CDC123: variants seen among roughly 807,000 people sequenced by gnomAD.
The protein encoded by CDC123 is cell division cycle 123, also known as translation initiation factor eIF2 assembly protein.
A neutral mutation model predicts 54.4 loss-of-function variants in CDC123; 37 were observed. That is an observed-to-expected ratio of 0.68 (90% CI 0.52 to 0.89). The LOEUF (loss-of-function observed/expected upper bound fraction) is 0.89, where lower values mean the gene tolerates loss of function less well. Ranked by LOEUF, CDC123 falls within the 40% of genes least tolerant of loss-of-function variation. The pLI, the probability that CDC123 is intolerant of heterozygous loss-of-function variation, is 0.00. For missense variants in CDC123, 361 were observed against 412.1 expected (o/e 0.88, Z 1.07); for synonymous variants, 144 against 136.8 (o/e 1.05, Z -0.37).
chr10:12,213,615 A>G (rs1029384113), intron 4 of CDC123, among the ~76,000 whole-genome samples: 11 of 152,062 alleles, frequency 7.2e-5, no homozygotes, highest in African/African-American at 2.2e-4. Flanking sequence ...CAAATTTTGA[A>G]TAAGATCTGT....
chr10:12,222,810 A>G lies in CDC123; in HGVS notation c.440+5343A>G, dbSNP rs368922588. On this transcript the variant is annotated intron_variant, in intron 6 of 12. Transcript: ENST00000281141. ...ACTCTGTCACCCAGGCTGAAATGCA[A>G]TGATGCGATCTTGGCTCACTGCACC... 3.5e-3 allele frequency among the ~76,000 whole-genome samples: 538 copies of G among 152,172 alleles called. 4 individuals carry two copies. The South Asian group carries it at 0.036, about 10-fold the overall frequency.
intron 10 of CDC123, chr10:12,245,258 CTT>C (rs34198401): frequency 2.0e-5 from 3 of 150,472 alleles, no homozygotes; most frequent in African/African-American, 4.9e-5. Flanking sequence ...ATCTTTTTTT[CTT>C]TTTTTTTTGG....
intron 2 of CDC123, among the ~76,000 whole-genome samples, chr10:12,207,096 A>G (rs1835533275): frequency 6.6e-6 from 1 of 152,026 alleles, no homozygotes; most frequent in Non-Finnish European, 1.5e-5. Context: ...GTTTCAGGAT[A>G]TTAAAAAAGA....
chr10:12,199,242 G>A lies in CDC123; in HGVS notation c.146+466G>A, dbSNP rs543245505. 1.2e-4 allele frequency among the ~76,000 whole-genome samples: 19 copies of A among 152,288 alleles called. No individual in the cohort carries two copies. The East Asian group carries it at 3.1e-3, about 25-fold the overall frequency. ...AGTTTCCCTATTTATAGAATAAAGG[G>A]AAGAAGTTACTGTGTTTCAGTCTTT... On this transcript the variant is annotated intron_variant, in intron 2 of 12. Coordinates refer to ENST00000281141, the MANE Select transcript of CDC123 (RefSeq NM_006023.3).
chr10:12,197,748 G>C (rs1251591587), intron 1 of CDC123, among the ~76,000 whole-genome samples: 1 of 151,646 alleles, frequency 6.6e-6, no homozygotes, highest in Non-Finnish European at 1.5e-5. Context: ...CGAAGTTTTT[G>C]CTCTGTCGCC....
intron 12 of CDC123, chr10:12,249,942 T>C: frequency 1.8e-6 from 1 of 546,306 alleles, no homozygotes; most frequent in Non-Finnish European, 3.0e-6. Context: ...TGTACATGCC[T>C]TTTGAACATT....
At chr10:12,225,350 G>A (rs1199176637) in intron 6 of CDC123, among the ~76,000 whole-genome samples, 1 of 152,134 alleles carries the variant, frequency 6.6e-6, no homozygotes, top group Non-Finnish European at 1.5e-5. Flanking sequence ...AGCCAAGATC[G>A]TGCCACTGCG....
intron 2 of CDC123, among the ~76,000 whole-genome samples, chr10:12,202,664 C>G (rs1038233833): frequency 6.6e-6 from 1 of 152,214 alleles, no homozygotes; most frequent in African/African-American, 2.4e-5. Context: ...GATTCATTTG[C>G]TAGAGCAGCT....
intron 6 of CDC123, among the ~76,000 whole-genome samples, chr10:12,228,409 G>GT (rs34629160): frequency 0.021 from 2,933 of 137,844 alleles, 98 homozygotes; most frequent in African/African-American, 0.07. Flanking sequence ...GTTGTTTTTA[G>GT]TTTTTTTTTT....
At chr10:12,224,580 G>A (rs530492467) in intron 6 of CDC123, among the ~76,000 whole-genome samples, 1 of 152,216 alleles carries the variant, frequency 6.6e-6, no homozygotes, top group South Asian at 2.1e-4. Flanking sequence ...TTGCTAGAGG[G>A]ACTATAATTA....
intron 11 of CDC123, chr10:12,247,056 C>A (rs1222312054): frequency 7.3e-6 from 1 of 136,458 alleles, no homozygotes; most frequent in African/African-American, 2.7e-5. Flanking sequence ...ACTCCGGACA[C>A]TGTGTCCTCC....
At chr10:12,226,326 C>A (rs897692343) in intron 6 of CDC123, among the ~76,000 whole-genome samples, 1 of 146,468 alleles carries the variant, frequency 6.8e-6, no homozygotes, top group Non-Finnish European at 1.5e-5. Flanking sequence ...CCACCTCCCT[C>A]CTGGACGGGG....
chr10:12,202,286 G>A (rs549414392), intron 2 of CDC123, among the ~76,000 whole-genome samples: 6 of 152,062 alleles, frequency 3.9e-5, no homozygotes, highest in South Asian at 2.1e-4. Context: ...GTTCAGTTTC[G>A]TCAGTTCTAG....
intron 2 of CDC123, among the ~76,000 whole-genome samples, chr10:12,206,835 T>A (rs1317802751): frequency 6.6e-6 from 1 of 151,756 alleles, no homozygotes; most frequent in African/African-American, 2.4e-5. Flanking sequence ...GGCGGGCGCC[T>A]GGAGTCCCAG....
At chr10:12,196,628 A>G (rs1479077307) in intron 1 of CDC123, among the ~76,000 whole-genome samples, 2 of 152,190 alleles carry the variant, frequency 1.3e-5, no homozygotes, top group Non-Finnish European at 2.9e-5. Flanking sequence ...TCACTGCCTA[A>G]GTGCACTCGG....
Position 12,238,464 on chromosome 10 carries a change from C to G in CDC123, c.696C>G (p.Phe232Leu), listed in dbSNP as rs886378710. 1.2e-6 allele frequency: 2 copies of G among 1,605,268 alleles called. No homozygotes were observed. Among genetic ancestry groups the G allele is most frequent in the Non-Finnish European group, 1.7e-6 (2 of 1,177,182 alleles). Residue 232 changes from phenylalanine (F) to leucine (L), a missense_variant, in exon 10 of 13, where the codon TTC becomes TTG. Transcript: ENST00000281141. The part of the protein sequence containing the change: ...QYKFLDEDFV[F>L]DIYRDSRGKV... ...TTTTTTTCTCCTTTACAGTTGTGTT[C>G]GATATATACAGAGACAGTAGGGTAA... is the stretch of plus-strand genomic sequence containing the variant.
intron 9 of CDC123, 147 bp downstream of exon 9, chr10:12,237,413 G>T: frequency 1.7e-6 from 1 of 582,264 alleles, no homozygotes. Context: ...ATTTTTGATA[G>T]TTTGTATGTT....
At chr10:12,242,491 G>A (rs1836072056) in intron 10 of CDC123, among the ~76,000 whole-genome samples, 1 of 151,806 alleles carries the variant, frequency 6.6e-6, no homozygotes, top group Admixed American at 6.6e-5. Flanking sequence ...CGATCTTCAT[G>A]CCCAGTGCCT....
intron 6 of CDC123, among the ~76,000 whole-genome samples, chr10:12,222,848 C>T (rs1317278451): frequency 1.3e-5 from 2 of 151,956 alleles, no homozygotes; most frequent in Non-Finnish European, 2.9e-5. Context: ...CTGCCTCCCA[C>T]AGTCCCAGAC....
Sources: gnomAD v4.1 joint callset for allele counts (sites outside exome capture counted in the v4.1 genomes callset) on GRCh38, gnomAD v4.1.1 for gene constraint, MANE v1.5 for transcripts, NCBI Gene and HGNC (gene_info 2026-07-23, HGNC 2026-07-21) for gene names.